MBTD1: variants seen among roughly 807,000 people sequenced by gnomAD.
MBTD1 encodes mbt domain containing 1, also known as MBT domain-containing protein 1.
Under a neutral mutation model 87.8 loss-of-function variants are expected in MBTD1, and 24 were observed. The ratio of observed to expected loss-of-function variants is 0.27; its 90% CI spans 0.20 to 0.38. The LOEUF (loss-of-function observed/expected upper bound fraction) is 0.38, where lower values mean the gene tolerates loss of function less well. MBTD1 is among the 10% of genes least tolerant of loss of function. The probability of loss-of-function intolerance (pLI) is 1.00; values close to 1 mark genes in which losing one functional copy is unlikely to be tolerated. For missense variants in MBTD1, 436 were observed against 760.2 expected (o/e 0.57, Z 5.02); for synonymous variants, 237 against 248.6 (o/e 0.95, Z 0.44).
In MBTD1 at chr17:51,179,490, A is replaced by ATATATATATT. The variant is rs1568135568; in HGVS notation, c.*1085_*1086insAATATATATA. 4 of 23,534 alleles carry ATATATATATT rather than the reference A, an allele frequency of 1.7e-4. No homozygotes were observed. Among genetic ancestry groups the ATATATATATT allele is most frequent in the South Asian group, 1.6e-3 (1 of 622 alleles). The allele number at this position is 23,534 out of a possible 1,614,324, so 1.5% of individuals were successfully genotyped here. ...AATACAATTAAAGACAATTTTATAT[A>ATATATATATT]TATATATATATATATATATATATAT... is the stretch of plus-strand genomic sequence containing the variant. On this transcript the variant is annotated 3_prime_UTR_variant, in exon 17 of 17. Coordinates refer to ENST00000586178, the MANE Select transcript of MBTD1 (RefSeq NM_017643.3).
chr17:51,256,189 T>C (rs2055078237), intron 2 of MBTD1: 1 of 152,232 alleles, frequency 6.6e-6, no homozygotes, highest in Non-Finnish European at 1.5e-5. Context: ...TTACTTTTTT[T>C]AAACAGCGGG....
intron 2 of MBTD1, among the ~76,000 whole-genome samples, chr17:51,229,985 G>A (rs1305190541): frequency 6.6e-6 from 1 of 152,070 alleles, no homozygotes; most frequent in Non-Finnish European, 1.5e-5. Flanking sequence ...CTGCCTTTTA[G>A]ATACAATTTT....
At position 51,202,914 on chromosome 17, in the gene MBTD1, G is replaced by C. The variant is rs757280808; in HGVS notation, c.850C>G (p.Pro284Ala). ...TCTACTCTCATGCAAGGTTTGAAAGGATACTGCATACTCTCTGAAACCTTA... is the reference window on the plus strand; with the variant it reads ...TCTACTCTCATGCAAGGTTTGAAAGCATACTGCATACTCTCTGAAACCTTA... ...SQKVSESMQY[P>A]FKPCMRVEVV... The change falls in exon 10 of 17, where the codon CCT becomes GCT. Residue 284 changes from proline (P) to alanine (A), a missense_variant. Around this residue, in one of 5 missense-constraint regions of MBTD1, gnomAD observed 268 missense variants for 401.8 expected, o/e 0.67. Coordinates refer to ENST00000586178, the MANE Select transcript of MBTD1 (RefSeq NM_017643.3). The C allele has an allele frequency of 2.5e-6, 4 of 1,613,056 alleles. No individual in the cohort carries two copies. Among genetic ancestry groups the C allele is most frequent in the Non-Finnish European group, 3.4e-6 (4 of 1,179,192 alleles).
intron 7 of MBTD1, among the ~76,000 whole-genome samples, chr17:51,205,972 G>A (rs1294740391): frequency 6.6e-6 from 1 of 152,140 alleles, no homozygotes; most frequent in African/African-American, 2.4e-5. Flanking sequence ...ATGAGTGGCT[G>A]CCTGCCTCTC....
chr17:51,258,818 T>G (rs1264348194), intron 2 of MBTD1, among the ~76,000 whole-genome samples: 4 of 152,202 alleles, frequency 2.6e-5, no homozygotes. Context: ...AAAAACATCT[T>G]CAGGCATGTA....
intron 2 of MBTD1, chr17:51,251,553 T>A (rs976598972): frequency 1.3e-5 from 2 of 152,248 alleles, no homozygotes; most frequent in African/African-American, 4.8e-5. Flanking sequence ...GTACCTTGTC[T>A]AAAGCTTTCA....
chr17:51,193,049 T>C (rs1307667686), intron 14 of MBTD1, 33 bp from the exon 15 acceptor site: 5 of 1,485,256 alleles, frequency 3.4e-6, no homozygotes, highest in Non-Finnish European at 9.4e-7. Context: ...AATATTGGTA[T>C]GAAGAAGAAA....
chr17:51,222,304 A>T (rs2052947693), intron 3 of MBTD1, among the ~76,000 whole-genome samples: 1 of 152,252 alleles, frequency 6.6e-6, no homozygotes. Context: ...AAGAATATAC[A>T]CTAACAGGAG....
At chr17:51,193,627 A>AT (rs1052197507) in intron 13 of MBTD1, 117 bp from the exon 14 acceptor site, 26 of 649,904 alleles carry the variant, frequency 4.0e-5, no homozygotes, top group East Asian at 8.6e-5. Flanking sequence ...GATCAACTTT[A>AT]TTTTTTTTGA....
rs185226270 is a variant in MBTD1, at chr17:51,181,279, C to A, written c.1769-585G>T. Among the ~76,000 whole-genome samples the A allele has an allele frequency of 9.9e-5, 15 of 152,238 alleles. 2 individuals are homozygous for A. The highest frequency in any genetic ancestry group is 3.6e-4 in the African/African-American group (15 of 41,530). On this transcript the variant is annotated intron_variant, in intron 16 of 16. Transcript: ENST00000586178. ...TGACCTTGTGATCCGCCCACCTCAG[C>A]CTCCCAAAGTGCTGGGATGACAGGC...
intron 12 of MBTD1, among the ~76,000 whole-genome samples, chr17:51,197,654 G>A (rs371332808): frequency 6.6e-6 from 1 of 151,628 alleles, no homozygotes; most frequent in South Asian, 2.1e-4. Context: ...CTATAGGTGT[G>A]CCACCACACT....
At chr17:51,220,260 T>C (rs2052809893) in intron 4 of MBTD1, 70 bp downstream of exon 4, 10 of 1,425,346 alleles carry the variant, frequency 7.0e-6, no homozygotes, top group Non-Finnish European at 9.5e-6. Context: ...TGAATCACAG[T>C]CAAATGACAG....
At chr17:51,220,579 G>T in intron 3 of MBTD1, 116 bp from the exon 4 acceptor site, 1 of 939,966 alleles carries the variant, frequency 1.1e-6, no homozygotes, top group Non-Finnish European at 1.6e-6. Flanking sequence ...AATTTGCCTT[G>T]AACATTTCTT....
intron 2 of MBTD1, among the ~76,000 whole-genome samples, chr17:51,237,614 C>T (rs79945829): frequency 1.3e-5 from 2 of 152,102 alleles, no homozygotes; most frequent in African/African-American, 4.8e-5. Flanking sequence ...CAAATTAAAA[C>T]CACAAGATAC....
chr17:51,250,269 T>C (rs756882615), intron 2 of MBTD1: 2 of 152,206 alleles, frequency 1.3e-5, no homozygotes, highest in East Asian at 1.9e-4. Flanking sequence ...TTTGTCAGAA[T>C]GTATAATGTT....
intron 2 of MBTD1, among the ~76,000 whole-genome samples, chr17:51,248,306 T>C (rs1462208756): frequency 6.6e-6 from 1 of 152,246 alleles, no homozygotes; most frequent in Non-Finnish European, 1.5e-5. Context: ...TTTTCATTTA[T>C]GTAAGTGTTT....
intron 3 of MBTD1, among the ~76,000 whole-genome samples, chr17:51,223,484 C>A (rs1347868393): frequency 6.6e-6 from 1 of 151,778 alleles, no homozygotes; most frequent in South Asian, 2.1e-4. Context: ...TGCAGTGAGT[C>A]GAGATCTTGC....
Position 51,178,884 on chromosome 17 carries a change from A to C in MBTD1, c.*1692T>G, listed in dbSNP as rs1432631548. On this transcript the variant is annotated 3_prime_UTR_variant, in exon 17 of 17. Transcript: ENST00000586178. ...TACATTCTTACACTATAAAGTAACA[A>C]ATTTTACTTCCAGTAGCTATTATAA... The C allele has an allele frequency of 6.6e-6, 1 of 152,172 alleles. No homozygotes were observed. The highest frequency in any genetic ancestry group is 1.5e-5 in the Non-Finnish European group (1 of 68,022). 9.4% of individuals were successfully genotyped at this position (152,172 alleles called of 1,614,324 possible). A position where few individuals can be genotyped will look rare whatever the true frequency, so the allele number is the denominator to read the frequency against.
intron 2 of MBTD1, among the ~76,000 whole-genome samples, chr17:51,243,012 T>G (rs1391640289): frequency 6.6e-6 from 1 of 152,224 alleles, no homozygotes; most frequent in Non-Finnish European, 1.5e-5. Context: ...TGTTTTGCAA[T>G]TACAAATACG....
Sources: allele counts gnomAD v4.1 joint callset (sites outside exome capture counted in the v4.1 genomes callset), GRCh38; gene constraint gnomAD v4.1.1; regional missense constraint gnomAD v4.1.1; transcripts MANE v1.5; gene names NCBI Gene and HGNC (gene_info 2026-07-23, HGNC 2026-07-21).